The following RNF150 variants were observed in gnomAD, a reference collection of about 807,000 sequenced individuals.
RNF150 encodes the protein ring finger protein 150.
A neutral mutation model predicts 39.3 loss-of-function variants in RNF150; 24 were observed. The observed-to-expected ratio is 0.61, with a 90% CI of 0.44 to 0.86. RNF150 has a LOEUF of 0.86. RNF150 is among the 40% of genes least tolerant of loss of function. The probability of loss-of-function intolerance (pLI) is 0.00; values close to 1 mark genes in which losing one functional copy is unlikely to be tolerated. For synonymous variants in RNF150, 255 were observed against 227.3 expected, an observed-to-expected ratio of 1.12 and a Z score of -1.10; for missense variants, 502 against 587.8, an observed-to-expected ratio of 0.85 and a Z score of 1.51.
At chr4:141,148,732 C>T (rs957666142) in intron 1 of RNF150, among the ~76,000 whole-genome samples, 70 of 152,310 alleles carry the variant, frequency 4.6e-4, no homozygotes, top group South Asian at 1.9e-3. Flanking sequence ...TGCACCACCA[C>T]GCCCAGCGCT....
intron 1 of RNF150, among the ~76,000 whole-genome samples, chr4:141,126,070 TAC>T (rs921526809): frequency 2.7e-5 from 4 of 146,728 alleles, no homozygotes; most frequent in African/African-American, 1.0e-4. Flanking sequence ...GGTGAAGAGT[TAC>T]AGTTTAGTGC....
intron 1 of RNF150, among the ~76,000 whole-genome samples, chr4:140,981,295 G>A (rs997569045): frequency 6.6e-6 from 1 of 152,022 alleles, no homozygotes; most frequent in African/African-American, 2.4e-5. Flanking sequence ...AGACATCTTG[G>A]CGATAGAACC....
Position 140,904,784 on chromosome 4 carries a change from T to C in RNF150, c.1198+6360A>G, listed in dbSNP as rs1310812427. Among the ~76,000 whole-genome samples the C allele has an allele frequency of 3.9e-5, 6 of 152,340 alleles. No homozygotes were observed. The South Asian group carries it at 1.0e-3, about 26-fold the overall frequency. ...TCCTGAACGCACATTCTTTCTCTTG[T>C]TTTCCTGTTCGGGGTGTGGTCAGAG... is the stretch of plus-strand genomic sequence containing the variant. On this transcript the variant is annotated intron_variant, in intron 6 of 6. Transcript: ENST00000515673.
At chr4:141,195,575 C>T (rs1728189081) in intron 1 of RNF150, among the ~76,000 whole-genome samples, 1 of 152,070 alleles carries the variant, frequency 6.6e-6, no homozygotes, top group Non-Finnish European at 1.5e-5. Context: ...TAGAAAGCAT[C>T]AGTAATCTGC....
intron 1 of RNF150, among the ~76,000 whole-genome samples, chr4:140,981,619 G>A (rs1733862675): frequency 6.6e-6 from 1 of 152,140 alleles, no homozygotes; most frequent in Non-Finnish European, 1.5e-5. Flanking sequence ...TAATGTGTTT[G>A]GGGTAACTAA....
At chr4:141,210,097 A>T (rs1465383431) in intron 1 of RNF150, among the ~76,000 whole-genome samples, 1 of 152,188 alleles carries the variant, frequency 6.6e-6, no homozygotes, top group Non-Finnish European at 1.5e-5. Context: ...AAAAATTATT[A>T]GAAATGGTAA....
intron 1 of RNF150, among the ~76,000 whole-genome samples, chr4:141,128,319 T>C (rs1726804787): frequency 6.6e-6 from 1 of 152,172 alleles, no homozygotes; most frequent in Non-Finnish European, 1.5e-5. Context: ...TATCCTCCAC[T>C]TCACAAAGGA....
chr4:140,928,370 T>C (rs911090699), intron 4 of RNF150, among the ~76,000 whole-genome samples: 1 of 142,702 alleles, frequency 7.0e-6, no homozygotes, highest in Non-Finnish European at 1.5e-5. Flanking sequence ...ATGGTTTACA[T>C]AGAGGGGAAG....
At chr4:140,947,873 C>T in intron 3 of RNF150, 137 bp from the exon 4 acceptor site, 5 of 560,568 alleles carry the variant, frequency 8.9e-6, no homozygotes, top group Non-Finnish European at 1.6e-5. Context: ...ATCAAATGTA[C>T]CATCAATTGG....
At chr4:140,905,533 T>C (rs1730340142) in intron 6 of RNF150, among the ~76,000 whole-genome samples, 1 of 151,802 alleles carries the variant, frequency 6.6e-6, no homozygotes, top group African/African-American at 2.4e-5. Context: ...CTTGAGGCAA[T>C]AAAAATGGAA....
chr4:140,892,972 G>T (rs1729810367), intron 6 of RNF150, among the ~76,000 whole-genome samples: 1 of 152,124 alleles, frequency 6.6e-6, no homozygotes, highest in Non-Finnish European at 1.5e-5. Context: ...GGAGCTTGAG[G>T]TAAGAGGATT....
intron 1 of RNF150, among the ~76,000 whole-genome samples, chr4:141,156,734 T>TAAAAAAAAA (rs3081645): frequency 1.0e-5 from 1 of 96,628 alleles, no homozygotes; most frequent in Non-Finnish European, 1.9e-5. Flanking sequence ...TCTCTACTAC[T>TAAAAAAAAA]AAAAAAAAAA....
intron 1 of RNF150, among the ~76,000 whole-genome samples, chr4:141,139,078 T>G (rs2111122968): frequency 6.6e-6 from 1 of 152,184 alleles, no homozygotes; most frequent in South Asian, 2.1e-4. Flanking sequence ...CTAGGCATGG[T>G]GGCACAAGTG....
At chr4:141,097,882 C>T (rs1413207783) in intron 1 of RNF150, among the ~76,000 whole-genome samples, 1 of 152,050 alleles carries the variant, frequency 6.6e-6, no homozygotes, top group Non-Finnish European at 1.5e-5. Flanking sequence ...GTTTATCCAT[C>T]ATTTTAACTT....
chr4:141,050,461 C>G (rs1014196035), intron 1 of RNF150, among the ~76,000 whole-genome samples: 1 of 152,212 alleles, frequency 6.6e-6, no homozygotes, highest in Admixed American at 6.5e-5. Flanking sequence ...AGGCAAGACC[C>G]TTCTGCCTAT....
At chr4:140,922,155 A>T (rs1731181414) in intron 5 of RNF150, among the ~76,000 whole-genome samples, 1 of 151,906 alleles carries the variant, frequency 6.6e-6, no homozygotes, top group South Asian at 2.1e-4. Flanking sequence ...AGGGTATTCA[A>T]TTAGGAAAAG....
intron 1 of RNF150, among the ~76,000 whole-genome samples, chr4:141,149,152 A>C (rs1388459156): frequency 1.3e-5 from 2 of 152,250 alleles, no homozygotes; most frequent in Non-Finnish European, 2.9e-5. Flanking sequence ...AGAATCATCA[A>C]AAAATACATA....
At chr4:141,051,946 G>A (rs746311020) in intron 1 of RNF150, among the ~76,000 whole-genome samples, 2 of 152,126 alleles carry the variant, frequency 1.3e-5, no homozygotes, top group African/African-American at 2.4e-5. Context: ...GAGGTTTAAC[G>A]GACTTATAGT....
intron 2 of RNF150, among the ~76,000 whole-genome samples, chr4:140,967,265 T>G (rs1324552220): frequency 6.6e-6 from 1 of 152,160 alleles, no homozygotes; most frequent in African/African-American, 2.4e-5. Context: ...AAAATAGCTT[T>G]TGGTTTTTAT....
Sources: allele counts gnomAD v4.1 joint callset (sites outside exome capture counted in the v4.1 genomes callset), GRCh38; gene constraint gnomAD v4.1.1; transcripts MANE v1.5; gene names NCBI Gene and HGNC (gene_info 2026-07-23, HGNC 2026-07-21).